The following AGRN variants were observed in gnomAD, a reference collection of about 807,000 sequenced individuals.
AGRN encodes the protein agrin proteoglycan.
In AGRN, 106 loss-of-function variants were observed where a neutral mutation model predicts 211.0. The ratio of observed to expected loss-of-function variants is 0.50; its 90% CI spans 0.43 to 0.59. The LOEUF (loss-of-function observed/expected upper bound fraction) is 0.59, where lower values mean the gene tolerates loss of function less well. AGRN is among the 20% of genes least tolerant of loss of function. The pLI is 0.00. For synonymous variants in AGRN, 1,525 were observed against 1,332.5 expected, an observed-to-expected ratio of 1.14 and a Z score of -3.15; for missense variants, 3,040 against 2,982.6, an observed-to-expected ratio of 1.02 and a Z score of -0.45.
At chr1:1,021,030 G>A (rs1029004302) in intron 1 of AGRN, among the ~76,000 whole-genome samples, 1 of 152,066 alleles carries the variant, frequency 6.6e-6, no homozygotes, top group Non-Finnish European at 1.5e-5. Context: ...GGTACGCTGG[G>A]ACCCCCACCA....
At chr1:1,036,614 GA>G (rs1242847980) in intron 3 of AGRN, among the ~76,000 whole-genome samples, 1 of 152,130 alleles carries the variant, frequency 6.6e-6, no homozygotes, top group Non-Finnish European at 1.5e-5. Context: ...TGGGCAGCGG[GA>G]ATGGGGAATG....
At chr1:1,020,758 G>A (rs1644379949) in intron 1 of AGRN, among the ~76,000 whole-genome samples, 1 of 151,980 alleles carries the variant, frequency 6.6e-6, no homozygotes, top group African/African-American at 2.4e-5. Flanking sequence ...GGCCTTTCCC[G>A]GGGCGAGAGG....
At position 1,046,501 on chromosome 1, in the gene AGRN, C is replaced by T; in HGVS notation, c.3016C>T (p.Leu1006=). 6.2e-7 allele frequency: 1 copy of T among 1,610,884 alleles called. No homozygotes were observed. ...GCCGGCCCCCCCCGGCGCCCTCCCCCTGGCTCCCAGCAGTACCGCACACAG... is the reference window on the plus strand; with the variant it reads ...GCCGGCCCCCCCCGGCGCCCTCCCCTTGGCTCCCAGCAGTACCGCACACAG... ...ALPAPPGALP[L]APSSTAHSQT... Residue 1006 remains leucine (L), a synonymous_variant, in exon 18 of 36, where the codon CTG becomes TTG. Coordinates refer to ENST00000379370, the MANE Select transcript of AGRN (RefSeq NM_198576.4).
intron 35 of AGRN, 132 bp from the exon 36 acceptor site, chr1:1,054,692 C>T: frequency 1.3e-6 from 2 of 1,485,570 alleles, no homozygotes; most frequent in African/African-American, 1.4e-5. Flanking sequence ...GCTGTAGCCC[C>T]TGCAGTTCCC....
chr1:1,045,078 G>A, intron 12 of AGRN, 83 bp from the exon 13 acceptor site: 1 of 1,433,586 alleles, frequency 7.0e-7, no homozygotes, highest in Non-Finnish European at 9.8e-7. Flanking sequence ...GGTGACAGTG[G>A]GGGTAGGTGG....
rs151157775 is a variant in AGRN, at chr1:1,045,430, C to T, written c.2443C>T (p.Arg815Cys). 5.0e-6 allele frequency: 8 copies of T among 1,612,170 alleles called. No individual in the cohort carries two copies. The highest frequency in any genetic ancestry group is 3.3e-5 in the Admixed American group (2 of 59,986). Residue 815 changes from arginine to cysteine, a missense_variant, in exon 14 of 36, where the codon CGC becomes TGC. Transcript: ENST00000379370. The stretch of plus-strand genomic sequence containing the variant: ...CCCAGCCACAGGCCAGTGCTCCTGC[C>T]GCCCAGGTGTGGGGGGCCTCAGGTG... The part of the protein sequence containing the change: ...CDPATGQCSC[R>C]PGVGGLRCDR...
rs747150231 is a variant in AGRN, at chr1:1,041,247, G to T, written c.802G>T (p.Ala268Ser). The T allele has an allele frequency of 6.7e-7, 1 of 1,492,596 alleles. No homozygotes were observed. Among genetic ancestry groups the T allele is most frequent in the Admixed American group, 2.2e-5 (1 of 45,894 alleles). 92.5% of individuals were successfully genotyped at this position (1,492,596 alleles called of 1,614,324 possible). A position where few individuals can be genotyped will look rare whatever the true frequency, so the allele number is the denominator to read the frequency against. ...TCARSADGLT[A>S]SCLCPATCRG... ...TGCGCGCTCGGCCGACGGGCTGACG[G>T]CCTCGTGCCTGTGCCCCGCGACCTG... is the stretch of plus-strand genomic sequence containing the variant. The change falls in exon 5 of 36, where the codon GCC (alanine) becomes TCC (serine). Residue 268 changes from alanine to serine, a missense_variant. By Grantham distance (99) the Ala-to-Ser change is moderately conservative (BLOSUM62 1). This residue lies in a region of AGRN where 1,498 missense variants were observed against 1,457.8 expected (regional missense o/e 1.03). Coordinates refer to ENST00000379370, the MANE Select transcript of AGRN (RefSeq NM_198576.4).
In AGRN at chr1:1,048,627, G is replaced by A. The variant is rs995512492; in HGVS notation, c.4106-240G>A. The A allele has an allele frequency of 1.5e-5, 9 of 597,810 alleles. No homozygotes were observed. Among genetic ancestry groups the A allele is most frequent in the Admixed American group, 3.1e-5 (1 of 31,754 alleles). 37.0% of individuals were successfully genotyped at this position (597,810 alleles called of 1,614,324 possible). A position where few individuals can be genotyped will look rare whatever the true frequency, so the allele number is the denominator to read the frequency against. ...CTCTACTAAAAATACAAAATTAGCC[G>A]GGCGTGGTGGTGGGCGCCTGTAATC... On this transcript the variant is annotated intron_variant, in intron 23 of 35. Transcript: ENST00000379370. The surrounding 1 kb of genome is among the most constrained non-coding windows in gnomAD (Gnocchi z 5.9).
chr1:1,023,880 T>C (rs1297734626), intron 2 of AGRN, among the ~76,000 whole-genome samples: 1 of 152,126 alleles, frequency 6.6e-6, no homozygotes, highest in Non-Finnish European at 1.5e-5. Flanking sequence ...TGGGTGTGGC[T>C]TAGCCCAGCT....
intron 3 of AGRN, among the ~76,000 whole-genome samples, chr1:1,039,070 C>A (rs1644866090): frequency 6.6e-6 from 1 of 152,210 alleles, no homozygotes; most frequent in Non-Finnish European, 1.5e-5. Context: ...GGAGGTAGGT[C>A]CTATTGCTCC....
intron 30 of AGRN, 137 bp downstream of exon 30, chr1:1,050,974 C>T (rs989857599): frequency 1.0e-5 from 16 of 1,550,838 alleles, no homozygotes; most frequent in South Asian, 9.6e-5. Context: ...CCTCTGCCTC[C>T]TCTGCCTCCC....
chr1:1,030,121 T>C (rs199916126), intron 2 of AGRN, among the ~76,000 whole-genome samples: 50 of 68,012 alleles, frequency 7.4e-4, no homozygotes, highest in Admixed American at 1.3e-3. Flanking sequence ...GTGTGTGCAG[T>C]GCATGGTGCT....
chr1:1,022,812 T>G (rs1252942949), intron 2 of AGRN, among the ~76,000 whole-genome samples: 1 of 152,204 alleles, frequency 6.6e-6, no homozygotes, highest in Non-Finnish European at 1.5e-5. Context: ...CAAGCCCCTG[T>G]GTTAGCCCAG....
rs750603697 is a variant in AGRN at position 1,043,718 on chromosome 1, C to T, written c.1784C>T (p.Ser595Leu). Residue 595 changes from serine (S) to leucine (L), a missense_variant, in exon 9 of 36, where the codon TCA (serine) becomes TTA (leucine). This residue lies in a region of AGRN where 1,498 missense variants were observed against 1,457.8 expected (regional missense o/e 1.03). Coordinates refer to ENST00000379370, the MANE Select transcript of AGRN (RefSeq NM_198576.4). ...CACCAGATCAGCCTGCACGTGGCCT[C>T]AGCTGGACCCTGTGGTGAGTGAGGC... is the stretch of plus-strand genomic sequence containing the variant. Reference protein sequence around the residue: ...CTHQISLHVASAGPCETCGDA... With the variant: ...CTHQISLHVALAGPCETCGDA... 3.9e-4 allele frequency: 627 copies of T among 1,600,846 alleles called. 1 individual carries two copies. Among genetic ancestry groups the T allele is most frequent in the Non-Finnish European group, 5.2e-4 (617 of 1,179,754 alleles).
Position 1,041,529 on chromosome 1 carries a change from C to G in AGRN, c.1004C>G (p.Pro335Arg), listed in dbSNP as rs750940251. The G allele has an allele frequency of 6.2e-7, 1 of 1,603,906 alleles. No homozygotes were observed. The highest frequency in any genetic ancestry group is 8.5e-7 in the Non-Finnish European group (1 of 1,178,946). ...PDPSRSCRVN[P>R]RTRRPEMLLR... ...CCGAGCCGCAGCTGCCGTGTGAACC[C>G]GCGCACGCGGCGCCCTGAGATGCTC... The change falls in exon 6 of 36, where the codon CCG becomes CGG. Residue 335 changes from proline to arginine, a missense_variant. Around this residue, in one of 3 missense-constraint regions of AGRN, gnomAD observed 1,498 missense variants for 1,457.8 expected, o/e 1.03. Coordinates refer to ENST00000379370, the MANE Select transcript of AGRN (RefSeq NM_198576.4).
Position 1,048,075 on chromosome 1 carries a change from G to C in AGRN, c.3815G>C (p.Arg1272Thr). 3 of 1,583,154 alleles carry C rather than the reference G, an allele frequency of 1.9e-6. No individual in the cohort carries two copies. The highest frequency in any genetic ancestry group is 1.1e-5 in the South Asian group (1 of 88,200). Reference sequence around the variant, plus strand: ...GCCATTGCTGCGGGAGCCACGGCCAGAGCCACCACTGCATCGCGCCTGCCG... The same window carrying C: ...GCCATTGCTGCGGGAGCCACGGCCACAGCCACCACTGCATCGCGCCTGCCG... ...SGAIAAGATARATTASRLPSS... is the reference protein window; with the variant it reads ...SGAIAAGATATATTASRLPSS... Residue 1272 changes from arginine (R) to threonine (T), a missense_variant, in exon 23 of 36, where the codon AGA becomes ACA. By Grantham distance (71) the Arg-to-Thr change is moderately conservative (BLOSUM62 -1). Coordinates refer to ENST00000379370, the MANE Select transcript of AGRN (RefSeq NM_198576.4). The surrounding 1 kb of genome is among the most constrained non-coding windows in gnomAD (Gnocchi z 5.9).
chr1:1,053,827 G>C lies in AGRN; in HGVS notation c.5726G>C (p.Ser1909Thr), dbSNP rs74685771. The C allele has an allele frequency of 3.6e-3, 5,857 of 1,611,076 alleles. 193 individuals are homozygous for C. In the Admixed American group the frequency reaches 0.074, roughly 20 times the overall value. Residue 1909 changes from serine (S) to threonine (T), a missense_variant, in exon 34 of 36, where the codon AGT becomes ACT. By Grantham distance (58) the Ser-to-Thr change is moderately conservative (BLOSUM62 1). Around this residue, in one of 3 missense-constraint regions of AGRN, gnomAD observed 1,537 missense variants for 1,505.0 expected, o/e 1.02. Coordinates refer to ENST00000379370, the MANE Select transcript of AGRN (RefSeq NM_198576.4). ...GCCACGCAGGGGCTGGTGCTCTGGA[G>C]TGGCAAGGCCACGGAGCGGGCAGAC... ...TEATQGLVLW[S>T]GKATERADYV...
intron 34 of AGRN, 26 bp from the exon 35 acceptor site, chr1:1,054,422 T>G (rs780307414): frequency 1.3e-6 from 2 of 1,551,894 alleles, no homozygotes; most frequent in South Asian, 1.2e-5. Flanking sequence ...TGGGCCCTGA[T>G]GGTCTCCCCC....
chr1:1,043,167 C>A, intron 7 of AGRN, 72 bp from the exon 8 acceptor site: 1 of 1,495,620 alleles, frequency 6.7e-7, no homozygotes, highest in Non-Finnish European at 9.1e-7. Flanking sequence ...GGGACTGCTG[C>A]GTGGGGCTGG....
Sources: gnomAD v4.1 joint callset for allele counts (sites outside exome capture counted in the v4.1 genomes callset) on GRCh38, gnomAD v4.1.1 for gene constraint, gnomAD v4.1.1 regional missense constraint, Gnocchi (gnomAD v3.1) non-coding constraint, MANE v1.5 for transcripts, NCBI Gene and HGNC (gene_info 2026-07-23, HGNC 2026-07-21) for gene names.